Variants in KIRREL1 observed in about 807,000 individuals in gnomAD.
KIRREL1 encodes the protein kin of IRRE-like protein 1.
A neutral mutation model predicts 83.3 loss-of-function variants in KIRREL1; 25 were observed. That is an observed-to-expected ratio of 0.30 (90% confidence interval 0.22 to 0.42). KIRREL1 has a LOEUF of 0.42. Among genes scored for constraint, KIRREL1 ranks in the 10% least tolerant of loss-of-function variants. KIRREL1 has a pLI of 1.00. For missense variants in KIRREL1, 812 were observed against 1,032.3 expected (o/e 0.79, Z 2.92); for synonymous variants, 388 against 410.4 (o/e 0.95, Z 0.66).
chr1:158,054,207 C>A (rs1476179691), intron 1 of KIRREL1, among the ~76,000 whole-genome samples: 6 of 55,974 alleles, frequency 1.1e-4, no homozygotes, highest in Admixed American at 3.0e-4. Context: ...AGCAAGACTC[C>A]ATCTCAAAAA....
intron 1 of KIRREL1, among the ~76,000 whole-genome samples, chr1:158,059,106 C>T (rs1301886252): frequency 1.3e-5 from 2 of 152,176 alleles, no homozygotes; most frequent in African/African-American, 4.8e-5. Flanking sequence ...CAATAGAGCA[C>T]TCCTGCACCC....
intron 3 of KIRREL1, among the ~76,000 whole-genome samples, chr1:158,078,422 G>A (rs1002373917): frequency 6.6e-6 from 1 of 152,188 alleles, no homozygotes; most frequent in Non-Finnish European, 1.5e-5. Flanking sequence ...TTAGAAACAA[G>A]GCTGTGGAGA....
chr1:158,078,201 C>T, intron 3 of KIRREL1, 61 bp downstream of exon 3: 1 of 1,533,186 alleles, frequency 6.5e-7, no homozygotes, highest in Non-Finnish European at 9.0e-7. Flanking sequence ...CTGGCAGTCT[C>T]TCCCACTCTC....
In KIRREL1 at chr1:158,096,291, C is replaced by G; in HGVS notation, c.*1171C>G. On this transcript the variant is annotated 3_prime_UTR_variant, in exon 15 of 15. Transcript: ENST00000359209. ...ACGGAGGGGGCCTGGCTCTCAGTCT[C>G]TACTCTCCTATGTCCCATCAGTTGG... 1 of 321,822 alleles carries G rather than the reference C, an allele frequency of 3.1e-6. No homozygotes were observed. The highest frequency in any genetic ancestry group is 6.1e-6 in the Non-Finnish European group (1 of 165,192). 19.9% of individuals were successfully genotyped at this position (321,822 alleles called of 1,614,324 possible).
chr1:157,999,625 C>T (rs976931345), intron 1 of KIRREL1, among the ~76,000 whole-genome samples: 5 of 152,056 alleles, frequency 3.3e-5, no homozygotes, highest in African/African-American at 1.2e-4. Flanking sequence ...GAAAGTTATG[C>T]CCCTTCCCGA....
chr1:158,067,450 C>A (rs554635668), intron 1 of KIRREL1, among the ~76,000 whole-genome samples: 1 of 152,296 alleles, frequency 6.6e-6, no homozygotes, highest in Non-Finnish European at 1.5e-5. Flanking sequence ...TACACTAGTT[C>A]CTCCCAGCAG....
rs898843735 is a variant in KIRREL1, at chr1:158,099,909, C to A, written c.*4789C>A. The A allele has an allele frequency of 1.2e-4, 18 of 152,074 alleles. No individual in the cohort carries two copies. The highest frequency in any genetic ancestry group is 2.6e-4 in the Non-Finnish European group (18 of 68,028). The allele number at this position is 152,074 out of a possible 1,614,324, so 9.4% of individuals were successfully genotyped here. ...AGTGACCCAGAAAATTTTGAGAAGTCCAATTTCACCAGAAGAGGCCCAGGG... is the reference window on the plus strand; with the variant it reads ...AGTGACCCAGAAAATTTTGAGAAGTACAATTTCACCAGAAGAGGCCCAGGG... On this transcript the variant is annotated 3_prime_UTR_variant, in exon 15 of 15. Coordinates refer to ENST00000359209, the MANE Select transcript of KIRREL1 (RefSeq NM_018240.7).
intron 1 of KIRREL1, among the ~76,000 whole-genome samples, chr1:158,054,290 C>T (rs1282136027): frequency 6.7e-6 from 1 of 149,298 alleles, no homozygotes; most frequent in Non-Finnish European, 1.5e-5. Context: ...TGGGTGAGGG[C>T]AGGACCAAAG....
intron 1 of KIRREL1, among the ~76,000 whole-genome samples, chr1:158,063,652 T>G (rs1661277100): frequency 1.3e-5 from 2 of 152,226 alleles, no homozygotes; most frequent in Admixed American, 1.3e-4. Context: ...CAGGCTGAAC[T>G]GTTTCTAGGA....
intron 3 of KIRREL1, among the ~76,000 whole-genome samples, chr1:158,078,511 AG>A (rs1166893314): frequency 2.0e-5 from 3 of 152,004 alleles, no homozygotes; most frequent in Non-Finnish European, 4.4e-5. Context: ...CTTGTTGGTG[AG>A]GGGGCGTCTC....
intron 1 of KIRREL1, among the ~76,000 whole-genome samples, chr1:158,020,688 T>A (rs925400157): frequency 6.7e-5 from 10 of 148,582 alleles, no homozygotes; most frequent in Non-Finnish European, 6.0e-5. Flanking sequence ...CTATAATTAA[T>A]GTTTAACTCA....
chr1:158,043,087 C>CAA (rs71084262), intron 1 of KIRREL1, among the ~76,000 whole-genome samples: 3,003 of 108,116 alleles, frequency 0.028, 47 homozygotes, highest in Middle Eastern at 0.045. Context: ...GACTCCATCT[C>CAA]AAAAAAAAAA....
chr1:158,019,066 C>A (rs1375492922), intron 1 of KIRREL1, among the ~76,000 whole-genome samples: 1 of 152,174 alleles, frequency 6.6e-6, no homozygotes, highest in Non-Finnish European at 1.5e-5. Context: ...CTCCACTCTG[C>A]CCTCTAGAAA....
intron 1 of KIRREL1, among the ~76,000 whole-genome samples, chr1:158,017,019 T>C (rs907366872): frequency 6.6e-6 from 1 of 152,212 alleles, no homozygotes; most frequent in Non-Finnish European, 1.5e-5. Context: ...AAAGTCGCCA[T>C]GACATCTCTG....
intron 1 of KIRREL1, among the ~76,000 whole-genome samples, chr1:158,063,051 C>T (rs2101607660): frequency 6.6e-6 from 1 of 152,338 alleles, no homozygotes; most frequent in Middle Eastern, 3.4e-3. Flanking sequence ...TGTGTCTTGG[C>T]TCATGCTGTT....
intron 1 of KIRREL1, among the ~76,000 whole-genome samples, chr1:158,075,210 A>C (rs770510308): frequency 1.3e-5 from 2 of 152,166 alleles, no homozygotes; most frequent in Non-Finnish European, 2.9e-5. Context: ...CCGCAATGCA[A>C]TTCCCTGCTC....
Position 158,097,654 on chromosome 1 carries a change from A to C in KIRREL1, c.*2534A>C. ...TTACGTGTTGGTGCATCAGAATCTG[A>C]ATTGGAACCTACCTGATGGGCCCAG... On this transcript the variant is annotated 3_prime_UTR_variant, in exon 15 of 15. Coordinates refer to ENST00000359209, the MANE Select transcript of KIRREL1 (RefSeq NM_018240.7). 1 of 153,422 alleles carries C rather than the reference A, an allele frequency of 6.5e-6. No homozygotes were observed. The highest frequency in any genetic ancestry group is 1.5e-5 in the Non-Finnish European group (1 of 68,934). 9.5% of individuals were successfully genotyped at this position (153,422 alleles called of 1,614,324 possible).
chr1:158,014,059 G>T (rs1436005527), intron 1 of KIRREL1, among the ~76,000 whole-genome samples: 2 of 152,126 alleles, frequency 1.3e-5, no homozygotes, highest in East Asian at 3.9e-4. Context: ...GAAGCCCAAA[G>T]ATATGGGAGA....
chr1:158,069,302 T>TG (rs1661441927), intron 1 of KIRREL1, among the ~76,000 whole-genome samples: 3 of 143,292 alleles, frequency 2.1e-5, no homozygotes, highest in Non-Finnish European at 3.0e-5. Flanking sequence ...TATGACGTAC[T>TG]TGTGTGTGTG....
Sources: allele counts gnomAD v4.1 joint callset (sites outside exome capture counted in the v4.1 genomes callset), GRCh38; gene constraint gnomAD v4.1.1; transcripts MANE v1.5; gene names NCBI Gene and HGNC (gene_info 2026-07-23, HGNC 2026-07-21).